The following ODF2 variants were observed in gnomAD, a reference collection of about 807,000 sequenced individuals.
ODF2 encodes the protein outer dense fiber protein 2.
A neutral mutation model predicts 110.2 loss-of-function variants in ODF2; 47 were observed. That is an observed-to-expected ratio of 0.43 (90% CI 0.34 to 0.54). The LOEUF (loss-of-function observed/expected upper bound fraction) is 0.54, where lower values mean the gene tolerates loss of function less well. Ranked by LOEUF, ODF2 falls within the 20% of genes least tolerant of loss-of-function variation. The pLI is 0.03. For missense variants in ODF2, 812 were observed against 1,054.5 expected, an observed-to-expected ratio of 0.77 and a Z score of 3.19; for synonymous variants, 352 against 397.7, an observed-to-expected ratio of 0.89 and a Z score of 1.37.
At chr9:128,472,588 A>G (rs910242055) in intron 6 of ODF2, among the ~76,000 whole-genome samples, 1 of 152,122 alleles carries the variant, frequency 6.6e-6, no homozygotes, top group East Asian at 1.9e-4. Flanking sequence ...AGAAGGGCTC[A>G]AAATCGTATC....
chr9:128,487,659 C>T (rs1843639522), intron 13 of ODF2, among the ~76,000 whole-genome samples: 1 of 151,994 alleles, frequency 6.6e-6, no homozygotes, highest in African/African-American at 2.4e-5. Context: ...TGGCGGTGGG[C>T]GCCTGTAGTC....
intron 8 of ODF2, among the ~76,000 whole-genome samples, chr9:128,477,188 G>A (rs1375284469): frequency 6.7e-6 from 1 of 148,658 alleles, no homozygotes; most frequent in Non-Finnish European, 1.5e-5. Flanking sequence ...AGCCTAGATT[G>A]CACCACTATA....
intron 14 of ODF2, among the ~76,000 whole-genome samples, chr9:128,489,112 C>T (rs541214448): frequency 7.2e-5 from 11 of 152,292 alleles, no homozygotes; most frequent in African/African-American, 2.2e-4. Context: ...GATTTGAACC[C>T]GAGTCTGACT....
intron 14 of ODF2, 60 bp downstream of exon 14, chr9:128,488,085 T>G (rs1011471883): frequency 2.9e-5 from 46 of 1,600,552 alleles, no homozygotes; most frequent in Non-Finnish European, 3.6e-5. Context: ...TGATGAGGGG[T>G]CTTGTCTTAC....
At chr9:128,465,070 G>A (rs1180358185) in intron 4 of ODF2, among the ~76,000 whole-genome samples, 1 of 152,210 alleles carries the variant, frequency 6.6e-6, no homozygotes, top group East Asian at 1.9e-4. Flanking sequence ...GGTTGCTAGG[G>A]GTAATAATCC....
chr9:128,488,295 T>C (rs947883225), intron 14 of ODF2, among the ~76,000 whole-genome samples: 2 of 151,756 alleles, frequency 1.3e-5, no homozygotes, highest in East Asian at 3.9e-4. Flanking sequence ...CGTGGAGGCA[T>C]GCGCCTGTAG....
chr9:128,499,311 A>C (rs1435015556), intron 20 of ODF2, among the ~76,000 whole-genome samples, 185 bp downstream of exon 20: 2 of 152,170 alleles, frequency 1.3e-5, no homozygotes, highest in African/African-American at 4.8e-5. Context: ...TTAGAGACGG[A>C]GTCTCCCTGT....
intron 4 of ODF2, 32 bp from the exon 5 acceptor site, chr9:128,469,151 G>A (rs1415969229): frequency 6.2e-7 from 1 of 1,605,472 alleles, no homozygotes; most frequent in South Asian, 1.1e-5. Context: ...TCTGCCTTCT[G>A]AGTTCATGTG....
At position 128,494,600 on chromosome 9, in the gene ODF2, G is replaced by A; in HGVS notation, c.1843G>A (p.Asp615Asn). Reference sequence around the variant, plus strand: ...GGAGGCGAAGCTGGCTGAGTGCCAAGACCAACTGCAGGGCTATGAGCGGAA... The same window carrying A: ...GGAGGCGAAGCTGGCTGAGTGCCAAAACCAACTGCAGGGCTATGAGCGGAA... Residue 615 changes from aspartate (D) to asparagine (N), a missense_variant, in exon 17 of 21, where the codon GAC becomes AAC. Physicochemically the swap from Asp to Asn is conservative, Grantham distance 23. Transcript: ENST00000604420. The surrounding 1 kb of genome is among the most constrained non-coding windows in gnomAD (Gnocchi z 4.6). 6.2e-7 allele frequency: 1 copy of A among 1,614,178 alleles called. No individual in the cohort carries two copies. The highest frequency in any genetic ancestry group is 8.5e-7 in the Non-Finnish European group (1 of 1,180,040).
exon 2 of ODF2, chr9:128,457,291 A>G (rs1203322282): frequency 6.2e-6 from 10 of 1,605,708 alleles, no homozygotes; most frequent in Middle Eastern, 3.3e-4. Context: ...CCCCTCAGAG[A>G]GGACGTTTGA....
chr9:128,465,157 C>T, intron 4 of ODF2, among the ~76,000 whole-genome samples: 1 of 152,142 alleles, frequency 6.6e-6, no homozygotes. Context: ...GGTGGCCTGC[C>T]CAGGTTCTCT....
intron 8 of ODF2, among the ~76,000 whole-genome samples, chr9:128,474,001 G>GC (rs773596259): frequency 6.6e-6 from 1 of 152,120 alleles, no homozygotes; most frequent in Non-Finnish European, 1.5e-5. Context: ...GAGGGGTTCA[G>GC]CCCAGGGCAT....
intron 8 of ODF2, among the ~76,000 whole-genome samples, chr9:128,477,010 A>G (rs12002206): frequency 6.6e-6 from 1 of 151,094 alleles, no homozygotes; most frequent in Non-Finnish European, 1.5e-5. Flanking sequence ...TTGAGAGGCC[A>G]AGGCAGGTGG....
At chr9:128,462,748 C>T (rs879855346) in intron 4 of ODF2, among the ~76,000 whole-genome samples, 4 of 152,120 alleles carry the variant, frequency 2.6e-5, no homozygotes, top group Middle Eastern at 3.4e-3. Context: ...TATAAGTGCC[C>T]GCCACCATGC....
chr9:128,462,604 GTT>G (rs1350029190), intron 4 of ODF2, among the ~76,000 whole-genome samples: 3 of 140,250 alleles, frequency 2.1e-5, no homozygotes, highest in African/African-American at 2.6e-5. Context: ...TTGTTTTTTT[GTT>G]TTTTTTTTTT....
At chr9:128,483,892 A>G (rs1001529277) in intron 10 of ODF2, 46 bp from the exon 11 acceptor site, 6 of 1,390,426 alleles carry the variant, frequency 4.3e-6, no homozygotes, top group Non-Finnish European at 6.1e-6. Context: ...TATGAAAAAA[A>G]CAAACAAAAA....
intron 11 of ODF2, 114 bp downstream of exon 11, chr9:128,484,168 C>A: frequency 1.3e-6 from 1 of 747,620 alleles, no homozygotes; most frequent in South Asian, 1.5e-5. Flanking sequence ...GTTTCTGAGG[C>A]AGCTGATGAC....
intron 10 of ODF2, among the ~76,000 whole-genome samples, 157 bp downstream of exon 10, chr9:128,483,044 C>T (rs967805973): frequency 1.4e-4 from 21 of 151,960 alleles, no homozygotes; most frequent in Admixed American, 6.6e-4. Flanking sequence ...TACAGGCGTG[C>T]GCCACCACGC....
At chr9:128,458,513 G>A (rs917888972) in intron 2 of ODF2, among the ~76,000 whole-genome samples, 7 of 147,362 alleles carry the variant, frequency 4.8e-5, no homozygotes, top group Non-Finnish European at 1.0e-4. Context: ...GTTATTCCAA[G>A]GCCCTTCCCA....
Sources: gnomAD v4.1 joint callset for allele counts (sites outside exome capture counted in the v4.1 genomes callset) on GRCh38, gnomAD v4.1.1 for gene constraint, Gnocchi (gnomAD v3.1) non-coding constraint, MANE v1.5 for transcripts, NCBI Gene and HGNC (gene_info 2026-07-23, HGNC 2026-07-21) for gene names.